The following EYA2 variants were observed in gnomAD, a reference collection of about 807,000 sequenced individuals.
EYA2 encodes the protein protein phosphatase EYA2.
In EYA2, 31 loss-of-function variants were observed where a neutral mutation model predicts 69.2. The ratio of observed to expected loss-of-function variants is 0.45; its 90% CI spans 0.34 to 0.60. The LOEUF (loss-of-function observed/expected upper bound fraction) is 0.60. EYA2 is among the 20% of genes least tolerant of loss of function. The pLI is 0.02. For missense variants in EYA2, 622 were observed against 701.2 expected, an observed-to-expected ratio of 0.89 and a Z score of 1.28; for synonymous variants, 257 against 279.4, an observed-to-expected ratio of 0.92 and a Z score of 0.80.
chr20:46,916,071 A>G (rs1392869365), intron 1 of EYA2, among the ~76,000 whole-genome samples: 1 of 152,232 alleles, frequency 6.6e-6, no homozygotes, highest in African/African-American at 2.4e-5. Context: ...TATGAATTTC[A>G]TATGCAAAGA....
intron 1 of EYA2, among the ~76,000 whole-genome samples, chr20:46,923,185 T>C (rs1985256826): frequency 2.0e-5 from 3 of 152,066 alleles, no homozygotes; most frequent in Admixed American, 2.0e-4. Context: ...CTGGGCAACA[T>C]GGTGAAACCC....
chr20:46,952,525 T>C (rs761512926), intron 1 of EYA2, among the ~76,000 whole-genome samples: 1 of 152,192 alleles, frequency 6.6e-6, no homozygotes, highest in East Asian at 1.9e-4. Context: ...TTTGTGCAGC[T>C]CTGTGCTTTT....
At chr20:46,951,090 T>G (rs1568683458) in intron 1 of EYA2, among the ~76,000 whole-genome samples, 1 of 152,140 alleles carries the variant, frequency 6.6e-6, no homozygotes, top group Non-Finnish European at 1.5e-5. Context: ...AGTTGGATGG[T>G]TTTCATGGAA....
chr20:46,970,375 G>A (rs1157475910), intron 1 of EYA2, among the ~76,000 whole-genome samples: 44 of 152,170 alleles, frequency 2.9e-4, no homozygotes, highest in Admixed American at 2.9e-3. Context: ...GACCCCAGGG[G>A]ACATTTTGCA....
intron 6 of EYA2, 100 bp downstream of exon 6, chr20:47,072,352 T>C: frequency 8.6e-7 from 1 of 1,162,022 alleles, no homozygotes; most frequent in South Asian, 1.3e-5. Context: ...CAATCCCCAT[T>C]GGGAACCTGC....
intron 7 of EYA2, among the ~76,000 whole-genome samples, chr20:47,083,787 A>T (rs2031804015): frequency 1.3e-5 from 2 of 152,236 alleles, no homozygotes. Flanking sequence ...AAAAAAGAAT[A>T]TAAACTGGAC....
chr20:47,111,400 C>T (rs907544246), intron 9 of EYA2, among the ~76,000 whole-genome samples: 9 of 152,188 alleles, frequency 5.9e-5, no homozygotes, highest in Non-Finnish European at 1.2e-4. Flanking sequence ...CAGAGAGGTT[C>T]TACTGAGCTA....
At chr20:47,046,140 A>T (rs2030023829) in intron 5 of EYA2, among the ~76,000 whole-genome samples, 2 of 152,166 alleles carry the variant, frequency 1.3e-5, no homozygotes, top group Admixed American at 1.3e-4. Flanking sequence ...TAGACCACTA[A>T]CTATCTTTTT....
chr20:46,924,669 CAAAAAAA>C (rs10568771), intron 1 of EYA2, among the ~76,000 whole-genome samples: 6 of 88,364 alleles, frequency 6.8e-5, no homozygotes, highest in African/African-American at 2.9e-4. Context: ...GACTCCATCT[CAAAAAAA>C]AAAAAAAAAA....
intron 4 of EYA2, among the ~76,000 whole-genome samples, chr20:47,008,667 G>A (rs138251116): frequency 1.1e-4 from 16 of 152,312 alleles, no homozygotes; most frequent in Non-Finnish European, 1.5e-4. Flanking sequence ...CTTTTGGAGC[G>A]TCTGCTCCTG....
At position 46,964,194 on chromosome 20, in the gene EYA2, G is replaced by T. The variant is rs539343027; in HGVS notation, c.-10-25807G>T. Among the ~76,000 whole-genome samples, 7 of 152,336 alleles carry T rather than the reference G, an allele frequency of 4.6e-5. No homozygotes were observed. In the South Asian group the frequency reaches 1.2e-3, roughly 27 times the overall value. ...ACTGTGAGTCTTGGTTGAAGAATTCGAAAGCCACTGTTTTTAGTCCCTGTG... is the reference window on the plus strand; with the variant it reads ...ACTGTGAGTCTTGGTTGAAGAATTCTAAAGCCACTGTTTTTAGTCCCTGTG... On this transcript the variant is annotated intron_variant, in intron 1 of 15. Transcript: ENST00000327619.
At chr20:47,047,054 C>T (rs1464358299) in intron 5 of EYA2, among the ~76,000 whole-genome samples, 1 of 152,258 alleles carries the variant, frequency 6.6e-6, no homozygotes, top group East Asian at 1.9e-4. Context: ...TAAAATGTAT[C>T]GTGTACATTT....
At chr20:46,975,560 G>A (rs1394406553) in intron 1 of EYA2, among the ~76,000 whole-genome samples, 1 of 152,122 alleles carries the variant, frequency 6.6e-6, no homozygotes, top group Non-Finnish European at 1.5e-5. Flanking sequence ...AAAAATACCA[G>A]GGACAGCAAA....
At chr20:46,968,606 A>G (rs1321052327) in intron 1 of EYA2, among the ~76,000 whole-genome samples, 1 of 151,928 alleles carries the variant, frequency 6.6e-6, no homozygotes. Context: ...CATGCTCAGC[A>G]CTTTTGACAT....
At chr20:47,046,302 C>T (rs1410211020) in intron 5 of EYA2, among the ~76,000 whole-genome samples, 2 of 152,200 alleles carry the variant, frequency 1.3e-5, no homozygotes, top group African/African-American at 4.8e-5. Context: ...TAGGAATTAG[C>T]TTTCAACATG....
chr20:47,108,934 A>T (rs1228063159), intron 9 of EYA2, among the ~76,000 whole-genome samples: 1 of 152,030 alleles, frequency 6.6e-6, no homozygotes, highest in Non-Finnish European at 1.5e-5. Flanking sequence ...AATCCTGGCG[A>T]TGGGTGAGGA....
chr20:47,050,566 G>A lies in EYA2; in HGVS notation c.416-21619G>A, dbSNP rs546973068. ...CCAGCAGAGATGAAAGCCAAGGTCC[G>A]CAGCTGCTCGGACCATCAAACCTTT... On this transcript the variant is annotated intron_variant, in intron 5 of 15. Transcript: ENST00000327619. 5.9e-5 allele frequency among the ~76,000 whole-genome samples: 9 copies of A among 152,310 alleles called. No homozygotes were observed. The South Asian group carries it at 1.7e-3, about 28-fold the overall frequency.
chr20:46,989,927 G>T, intron 1 of EYA2, 74 bp from the exon 2 acceptor site: 1 of 764,400 alleles, frequency 1.3e-6, no homozygotes, highest in Non-Finnish European at 2.3e-6. Flanking sequence ...TATACTCTTA[G>T]GGAAAGAAAT....
chr20:47,097,155 C>T lies in EYA2; in HGVS notation c.875C>T (p.Ser292Phe), dbSNP rs2032272209. 1 of 1,610,164 alleles carries T rather than the reference C, an allele frequency of 6.2e-7. No homozygotes were observed. Among genetic ancestry groups the T allele is most frequent in the African/African-American group, 1.3e-5 (1 of 74,890 alleles). ...FHSLLTGTFA[S>F]RYGKDTTTSV... Reference sequence around the variant, plus strand: ...TCCTTACTCACGGGGACATTTGCATCCAGATACGGGAAGGTAAGAATCCAT... The same window carrying T: ...TCCTTACTCACGGGGACATTTGCATTCAGATACGGGAAGGTAAGAATCCAT... The change falls in exon 9 of 16, where the codon TCC becomes TTC. Residue 292 changes from serine (S) to phenylalanine (F), a missense_variant. Around this residue, in one of 2 missense-constraint regions of EYA2, gnomAD observed 257 missense variants for 351.5 expected, o/e 0.73. Transcript: ENST00000327619.
Sources: allele counts gnomAD v4.1 joint callset (sites outside exome capture counted in the v4.1 genomes callset), GRCh38; gene constraint gnomAD v4.1.1; regional missense constraint gnomAD v4.1.1; transcripts MANE v1.5; gene names NCBI Gene and HGNC (gene_info 2026-07-23, HGNC 2026-07-21).